The following DCAF8 variants were observed in gnomAD, a reference collection of about 807,000 sequenced individuals.
DCAF8 encodes the protein DDB1 and CUL4 associated factor 8, also known as DDB1- and CUL4-associated factor 8.
A neutral mutation model predicts 68.0 loss-of-function variants in DCAF8; 20 were observed. The ratio of observed to expected loss-of-function variants is 0.29; its 90% CI spans 0.21 to 0.43. DCAF8 has a LOEUF of 0.43. DCAF8 is among the 20% of genes least tolerant of loss of function. The pLI is 1.00. For synonymous variants in DCAF8, 230 were observed against 276.9 expected, an observed-to-expected ratio of 0.83 and a Z score of 1.68; for missense variants, 460 against 771.0, an observed-to-expected ratio of 0.60 and a Z score of 4.78.
Position 160,218,961 on chromosome 1 carries a change from C to T in DCAF8, c.1448G>A (p.Cys483Tyr), listed in dbSNP as rs751100608. Reference protein sequence around the residue: ...MEGDKGGVVNCLEPHPHLPVL... With the variant: ...MEGDKGGVVNYLEPHPHLPVL... The stretch of plus-strand genomic sequence containing the variant: ...AGGCAGGTGAGGGTGGGGCTCAAGA[C>T]AGTTTACCTGGTCAGGAAGAAAGGA... The change falls in exon 12 of 14, where the codon TGT becomes TAT. Residue 483 changes from cysteine to tyrosine, a missense_variant. Physicochemically the swap from Cys to Tyr is radical, Grantham distance 194 (BLOSUM62 -2). Coordinates refer to ENST00000368074, the MANE Select transcript of DCAF8 (RefSeq NM_015726.4). The T allele has an allele frequency of 1.9e-6, 3 of 1,614,146 alleles. No homozygotes were observed. Among genetic ancestry groups the T allele is most frequent in the Non-Finnish European group, 1.7e-6 (2 of 1,180,022 alleles).
chr1:160,222,812 T>C, intron 10 of DCAF8, 31 bp from the exon 11 acceptor site: 1 of 1,613,964 alleles, frequency 6.2e-7, no homozygotes, highest in Non-Finnish European at 8.5e-7. Context: ...AGAAACCACA[T>C]GAGGGTTGGC....
chr1:160,227,554 A>G (rs1458148604), intron 7 of DCAF8, among the ~76,000 whole-genome samples: 4 of 152,112 alleles, frequency 2.6e-5, no homozygotes, highest in Non-Finnish European at 5.9e-5. Context: ...ACTACACCCC[A>G]ACTAAGTGTT....
intron 7 of DCAF8, among the ~76,000 whole-genome samples, chr1:160,225,971 A>ATAGCTGG (rs1655459032): frequency 6.6e-6 from 1 of 152,074 alleles, no homozygotes; most frequent in Non-Finnish European, 1.5e-5. Context: ...AGCCTCCTAA[A>ATAGCTGG]TAGCTGGGAC....
In DCAF8 at chr1:160,217,702, G is replaced by C; in HGVS notation, c.1684C>G (p.Arg562Gly). The C allele has an allele frequency of 6.2e-7, 1 of 1,613,762 alleles. No homozygotes were observed. Among genetic ancestry groups the C allele is most frequent in the Non-Finnish European group, 8.5e-7 (1 of 1,179,696 alleles). Reference protein sequence around the residue: ...LRQRRHHRRWREPGVGATDAD... With the variant: ...LRQRRHHRRWGEPGVGATDAD... ...TCTGTGGCCCCAACCCCAGGTTCTCGCCAGCGCTGTGGATGGGAAAGGCTT... is the reference window on the plus strand; with the variant it reads ...TCTGTGGCCCCAACCCCAGGTTCTCCCCAGCGCTGTGGATGGGAAAGGCTT... Residue 562 changes from arginine (R) to glycine (G), a missense_variant, in exon 14 of 14, where the codon CGA becomes GGA. Arg to Gly is a moderately radical substitution (Grantham distance 125). Transcript: ENST00000368074.
In DCAF8 at chr1:160,239,654, C is replaced by G. The variant is rs114777785; in HGVS notation, c.723+43G>C. On this transcript the variant is annotated intron_variant, in intron 4 of 13. Coordinates refer to ENST00000368074, the MANE Select transcript of DCAF8 (RefSeq NM_015726.4). ...TGCTGCAGTTCAGATTTCTCTAACT[C>G]ATGCCTGATTCTCTCAGTTGCTATT... 1,562 of 1,614,182 alleles carry G rather than the reference C, an allele frequency of 9.7e-4. 16 individuals are homozygous for G. In the African/African-American group the frequency reaches 0.018, roughly 18 times the overall value.
chr1:160,224,609 G>A lies in DCAF8; in HGVS notation c.1202-60C>T, dbSNP rs1571081774. 14 of 1,379,392 alleles carry A rather than the reference G, an allele frequency of 1.0e-5. 2 individuals are homozygous for A. The East Asian group carries it at 2.7e-4, about 27-fold the overall frequency. The allele number at this position is 1,379,392 out of a possible 1,614,324, so 85.4% of individuals were successfully genotyped here. On this transcript the variant is annotated intron_variant, in intron 9 of 13. Coordinates refer to ENST00000368074, the MANE Select transcript of DCAF8 (RefSeq NM_015726.4). Reference sequence around the variant, plus strand: ...GGCTGAAAAAAGCAGGGACCAGGAGGTGGGGGTTGGGGTGGGGCTTCTTGC... The same window carrying A: ...GGCTGAAAAAAGCAGGGACCAGGAGATGGGGGTTGGGGTGGGGCTTCTTGC...
intron 2 of DCAF8, among the ~76,000 whole-genome samples, chr1:160,255,439 T>C (rs2101769936): frequency 6.6e-6 from 1 of 152,118 alleles, no homozygotes; most frequent in Middle Eastern, 3.4e-3. Flanking sequence ...TGGCCTCTTC[T>C]CCCTCTTGAA....
chr1:160,216,202 A>ACC lies in DCAF8; in HGVS notation c.*1389_*1390insGG, dbSNP rs936115688. 1.3e-5 allele frequency: 2 copies of ACC among 152,164 alleles called. No homozygotes were observed. Among genetic ancestry groups the ACC allele is most frequent in the African/African-American group, 4.8e-5 (2 of 41,432 alleles). The allele number at this position is 152,164 out of a possible 1,614,324, so 9.4% of individuals were successfully genotyped here. ...GACAAGGTTTAAGTCAAACCCAGGAAGTCTTTCCCTTCACTCTTCTATAAA... is the reference window on the plus strand; with the variant it reads ...GACAAGGTTTAAGTCAAACCCAGGAACCGTCTTTCCCTTCACTCTTCTATAAA... On this transcript the variant is annotated 3_prime_UTR_variant, in exon 14 of 14. Coordinates refer to ENST00000368074, the MANE Select transcript of DCAF8 (RefSeq NM_015726.4).
intron 7 of DCAF8, among the ~76,000 whole-genome samples, chr1:160,229,850 CGGT>C (rs1655612273): frequency 1.3e-5 from 2 of 152,126 alleles, no homozygotes; most frequent in South Asian, 4.1e-4. Context: ...GGTGAGACCT[CGGT>C]TCTACTGAAA....
intron 7 of DCAF8, 122 bp downstream of exon 7, chr1:160,231,175 A>C: frequency 1.4e-6 from 1 of 725,674 alleles, no homozygotes. Context: ...AACGGTAAAA[A>C]ATTCAAGATA....
At position 160,222,704 on chromosome 1, in the gene DCAF8, C is replaced by T; in HGVS notation, c.1387G>A (p.Glu463Lys). 6.2e-7 allele frequency: 1 copy of T among 1,614,140 alleles called. No homozygotes were observed. Among genetic ancestry groups the T allele is most frequent in the Non-Finnish European group, 8.5e-7 (1 of 1,180,032 alleles). The change falls in exon 11 of 14, where the codon GAG becomes AAG. Residue 463 changes from glutamate (E) to lysine (K), a missense_variant. Coordinates refer to ENST00000368074, the MANE Select transcript of DCAF8 (RefSeq NM_015726.4). The stretch of plus-strand genomic sequence containing the variant: ...TGAATAATCTGGCAGGATGATTTCT[C>T]CCAGAGGAAGATGTGCCCACAGTCA... ...GSDCGHIFLWEKSSCQIIQFM... is the reference protein window; with the variant it reads ...GSDCGHIFLWKKSSCQIIQFM...
chr1:160,262,122 G>A (rs1657120182), intron 1 of DCAF8: 1 of 387,472 alleles, frequency 2.6e-6, no homozygotes. Flanking sequence ...CTGACCTGAG[G>A]AAAGGGCAAC....
chr1:160,225,157 C>A, intron 8 of DCAF8, 38 bp from the exon 9 acceptor site: 2 of 1,598,500 alleles, frequency 1.3e-6, no homozygotes, highest in Admixed American at 1.7e-5. Flanking sequence ...TGCCCCACCC[C>A]CCCATTTGTT....
chr1:160,243,860 C>A (rs1557838117), intron 3 of DCAF8, 100 bp downstream of exon 3: 2 of 1,189,396 alleles, frequency 1.7e-6, no homozygotes, highest in African/African-American at 3.0e-5. Flanking sequence ...GGAAAGTTTC[C>A]CTCTCTCCAC....
intron 2 of DCAF8, among the ~76,000 whole-genome samples, chr1:160,246,738 T>C (rs947492): frequency 0.47 from 71,479 of 151,826 alleles, 17,073 homozygotes; most frequent in South Asian, 0.61. Flanking sequence ...TCCCAGCACA[T>C]TGGGAGGCCG....
chr1:160,233,137 T>C (rs1655749390), intron 6 of DCAF8, among the ~76,000 whole-genome samples: 1 of 152,222 alleles, frequency 6.6e-6, no homozygotes, highest in South Asian at 2.1e-4. Context: ...TGACAACAAG[T>C]TTCTTTGTAA....
intron 10 of DCAF8, 94 bp downstream of exon 10, chr1:160,224,348 G>C: frequency 1.1e-6 from 1 of 886,310 alleles, no homozygotes; most frequent in African/African-American, 1.7e-5. Context: ...GGCAACACAG[G>C]CAGGTAGTTT....
intron 11 of DCAF8, chr1:160,220,815 C>T (rs1655268655): frequency 2.0e-5 from 3 of 152,232 alleles, no homozygotes; most frequent in Non-Finnish European, 4.4e-5. Flanking sequence ...TTCTACTCTA[C>T]ATTTACAATT....
chr1:160,255,376 C>A (rs1010167286), intron 2 of DCAF8, among the ~76,000 whole-genome samples: 2 of 152,156 alleles, frequency 1.3e-5, no homozygotes, highest in Non-Finnish European at 2.9e-5. Flanking sequence ...TCAAGTAATC[C>A]TCCTACCTTG....
Sources: gnomAD v4.1 joint callset for allele counts (sites outside exome capture counted in the v4.1 genomes callset) on GRCh38, gnomAD v4.1.1 for gene constraint, MANE v1.5 for transcripts, NCBI Gene and HGNC (gene_info 2026-07-23, HGNC 2026-07-21) for gene names.